The following NDE1 variants were observed in gnomAD, a reference collection of about 807,000 sequenced individuals.
NDE1 encodes the protein nuclear distribution protein nudE homolog 1.
NDE1 carries 28 observed loss-of-function variants against 43.4 expected under a neutral mutation model. That is an observed-to-expected ratio of 0.65 (90% confidence interval 0.48 to 0.89). The LOEUF (loss-of-function observed/expected upper bound fraction) is 0.89. NDE1 is among the 40% of genes least tolerant of loss of function. NDE1 has a pLI of 0.00. For synonymous variants in NDE1, 184 were observed against 172.0 expected, an observed-to-expected ratio of 1.07 and a Z score of -0.55; for missense variants, 441 against 434.1, an observed-to-expected ratio of 1.02 and a Z score of -0.14.
At chr16:15,680,475 G>A (rs1369870495) in intron 4 of NDE1, among the ~76,000 whole-genome samples, 1 of 152,154 alleles carries the variant, frequency 6.6e-6, no homozygotes, top group Non-Finnish European at 1.5e-5. Context: ...ATCTGATACA[G>A]GTTTCCTGGT....
intron 8 of NDE1, chr16:15,719,196 C>G: frequency 6.2e-7 from 1 of 1,610,056 alleles, no homozygotes; most frequent in Non-Finnish European, 8.5e-7. Context: ...CTTCAGAGCC[C>G]TCTTCCTCCA....
chr16:15,680,979 A>T (rs1189272987), intron 4 of NDE1, among the ~76,000 whole-genome samples: 7 of 151,678 alleles, frequency 4.6e-5, no homozygotes, highest in Admixed American at 1.3e-4. Context: ...AAAATTTTTT[A>T]TACATGTATT....
chr16:15,699,107 C>A (rs557496197), intron 8 of NDE1, among the ~76,000 whole-genome samples: 1 of 152,066 alleles, frequency 6.6e-6, no homozygotes, highest in Non-Finnish European at 1.5e-5. Context: ...TGGTCTCAAA[C>A]CTCCTGGCTT....
At chr16:15,665,084 G>T (rs1028185813) in intron 2 of NDE1, among the ~76,000 whole-genome samples, 1 of 151,656 alleles carries the variant, frequency 6.6e-6, no homozygotes, top group African/African-American at 2.4e-5. Flanking sequence ...CGGAAACAGG[G>T]GTCTCGCTAT....
intron 1 of NDE1, among the ~76,000 whole-genome samples, chr16:15,653,594 A>C (rs1806157690): frequency 2.0e-5 from 3 of 152,024 alleles, no homozygotes; most frequent in Non-Finnish European, 4.4e-5. Context: ...TTCTTCTCTC[A>C]GAGGAAAGCT....
intron 8 of NDE1, among the ~76,000 whole-genome samples, chr16:15,723,595 G>A (rs2040594957): frequency 6.6e-6 from 1 of 152,150 alleles, no homozygotes; most frequent in Non-Finnish European, 1.5e-5. Flanking sequence ...GCGGGGAGCT[G>A]AGATCACACC....
intron 4 of NDE1, among the ~76,000 whole-genome samples, chr16:15,685,460 AGGCT>A (rs2038391664): frequency 6.6e-6 from 1 of 152,082 alleles, no homozygotes; most frequent in Non-Finnish European, 1.5e-5. Flanking sequence ...TATATTACCC[AGGCT>A]GGTCTTGAAC....
chr16:15,717,043 C>T, intron 8 of NDE1: 1 of 1,331,654 alleles, frequency 7.5e-7, no homozygotes, highest in South Asian at 1.2e-5. Context: ...TTCTTACAAG[C>T]CAGAACTGAT....
chr16:15,714,879 C>T (rs1176802425), intron 8 of NDE1: 29 of 1,611,838 alleles, frequency 1.8e-5, no homozygotes, highest in Admixed American at 3.3e-5. Context: ...GCCTGAGAGA[C>T]GGGGTCCTCC....
intron 8 of NDE1, among the ~76,000 whole-genome samples, chr16:15,705,380 C>T (rs1472943054): frequency 1.3e-5 from 2 of 152,214 alleles, no homozygotes; most frequent in East Asian, 1.9e-4. Context: ...TTTATCACCT[C>T]GACTTCACAG....
chr16:15,665,796 G>A (rs1191113793), intron 2 of NDE1, among the ~76,000 whole-genome samples: 3 of 143,206 alleles, frequency 2.1e-5, no homozygotes, highest in Admixed American at 7.2e-5. Flanking sequence ...CGCTCTTCTT[G>A]CCCAGGCTGT....
At chr16:15,677,256 C>G (rs2037930610) in intron 3 of NDE1, among the ~76,000 whole-genome samples, 1 of 151,854 alleles carries the variant, frequency 6.6e-6, no homozygotes, top group Admixed American at 6.6e-5. Context: ...GGAGCCCCAC[C>G]CAGGGAGTGT....
At position 15,724,243 on chromosome 16, in the gene NDE1, T is replaced by C. The variant is rs1314555293; in HGVS notation, c.1000T>C (p.Ser334Pro). ...CAAATCAACAACCAGGTCGTCCAGC[T>C]CCTGCTGAAGCCTGTTCTTGGTCTT... ...LSKSTTRSSSSC is the reference protein window; with the variant it reads ...LSKSTTRSSSPC The change falls in exon 9 of 9, where the codon TCC becomes CCC. Residue 334 changes from serine to proline, a missense_variant. Physicochemically the swap from Ser to Pro is moderately conservative, Grantham distance 74. Transcript: ENST00000396354. The C allele has an allele frequency of 6.2e-7, 1 of 1,614,184 alleles. No homozygotes were observed. Among genetic ancestry groups the C allele is most frequent in the Admixed American group, 1.7e-5 (1 of 60,020 alleles).
chr16:15,669,097 T>G (rs2151451372), intron 3 of NDE1, among the ~76,000 whole-genome samples: 1 of 151,788 alleles, frequency 6.6e-6, no homozygotes, highest in East Asian at 2.0e-4. Flanking sequence ...AAACGGGGTT[T>G]CACCGTGTTA....
upstream of NDE1, among the ~76,000 whole-genome samples, chr16:15,646,867 A>G (rs531455454): frequency 1.3e-5 from 2 of 152,250 alleles, no homozygotes; most frequent in Non-Finnish European, 1.5e-5. Flanking sequence ...CCTGGCCAAC[A>G]TGGTGAAACC....
chr16:15,719,261 C>T lies in NDE1; in HGVS notation c.948-4930C>T, dbSNP rs2151203465. The T allele has an allele frequency of 6.2e-7, 1 of 1,613,492 alleles. No homozygotes were observed. On this transcript the variant is annotated intron_variant, in intron 8 of 8. Coordinates refer to ENST00000396354, the MANE Select transcript of NDE1 (RefSeq NM_017668.3). ...TGGCCAGCTCCTCTGCCAGTTCCTCCTTCTCGAGGTCCGCTTGTTTGCGAG... is the reference window on the plus strand; with the variant it reads ...TGGCCAGCTCCTCTGCCAGTTCCTCTTTCTCGAGGTCCGCTTGTTTGCGAG...
At chr16:15,698,970 G>A (rs1184102475) in intron 8 of NDE1, among the ~76,000 whole-genome samples, 1 of 151,372 alleles carries the variant, frequency 6.6e-6, no homozygotes, top group Non-Finnish European at 1.5e-5. Context: ...CTGCAGCCTC[G>A]TCCTCCTGGG....
Position 15,708,733 on chromosome 16 carries a change from A to G in NDE1, c.947+11873A>G, listed in dbSNP as rs112554812. The G allele has an allele frequency of 4.7e-4, 700 of 1,495,696 alleles. 1 individual carries two copies. In the African/African-American group the frequency reaches 4.7e-3, roughly 10 times the overall value. 92.7% of individuals were successfully genotyped at this position (1,495,696 alleles called of 1,614,324 possible). ...AGGGTTTAAAAATTGGGGTGGGCAG[A>G]GGGGCGCATTGGGCAGAAAAGAAAT... On this transcript the variant is annotated intron_variant, in intron 8 of 8. Transcript: ENST00000396354.
intron 6 of NDE1, among the ~76,000 whole-genome samples, chr16:15,693,334 T>C (rs1265649149): frequency 6.6e-6 from 1 of 152,148 alleles, no homozygotes; most frequent in Non-Finnish European, 1.5e-5. Context: ...ACAGTTCTCA[T>C]GTGCTGCTGG....
Sources: gnomAD v4.1 joint callset for allele counts (sites outside exome capture counted in the v4.1 genomes callset) on GRCh38, gnomAD v4.1.1 for gene constraint, MANE v1.5 for transcripts, NCBI Gene and HGNC (gene_info 2026-07-23, HGNC 2026-07-21) for gene names.